Variants in MICU3 observed in about 807,000 individuals in gnomAD.
MICU3 encodes mitochondrial calcium uptake 3, also known as calcium uptake protein 3, mitochondrial.
In MICU3, 62 loss-of-function variants were observed where a neutral mutation model predicts 66.5. The observed-to-expected ratio is 0.93, with a 90% CI of 0.76 to 1.15. The LOEUF is 1.15. Ranked by LOEUF, MICU3 falls within the 50% of genes most tolerant of loss-of-function variation. The pLI, the probability that MICU3 is intolerant of heterozygous loss-of-function variation, is 0.00. For synonymous variants in MICU3, 308 were observed against 240.7 expected, an observed-to-expected ratio of 1.28 and a Z score of -2.59; for missense variants, 779 against 664.4, an observed-to-expected ratio of 1.17 and a Z score of -1.90.
chr8:17,123,422 A>T (rs1313294070), downstream of MICU3, among the ~76,000 whole-genome samples: 1 of 152,130 alleles, frequency 6.6e-6, no homozygotes, highest in African/African-American at 2.4e-5. Context: ...GAGGGATCTG[A>T]ATGAGGATAG....
intron 1 of MICU3, among the ~76,000 whole-genome samples, chr8:17,063,776 C>G (rs1242214686): frequency 6.6e-6 from 1 of 152,064 alleles, no homozygotes; most frequent in Non-Finnish European, 1.5e-5. Context: ...ACCACTGGCT[C>G]CATAATTTAA....
intron 3 of MICU3, among the ~76,000 whole-genome samples, chr8:17,071,432 G>A (rs1379106067): frequency 2.6e-5 from 4 of 152,032 alleles, no homozygotes; most frequent in East Asian, 1.9e-4. Flanking sequence ...TTATAAGGAC[G>A]TCAGTCATAT....
chr8:17,052,326 C>G (rs891460814), intron 1 of MICU3, among the ~76,000 whole-genome samples: 4 of 152,124 alleles, frequency 2.6e-5, no homozygotes, highest in Non-Finnish European at 5.9e-5. Flanking sequence ...TATCCATCCC[C>G]TTGAACATTT....
chr8:17,039,825 A>T (rs1166275402), intron 1 of MICU3, among the ~76,000 whole-genome samples: 2 of 150,038 alleles, frequency 1.3e-5, no homozygotes, highest in South Asian at 4.2e-4. Flanking sequence ...GCTCAGTGTA[A>T]TATTTTGATA....
intron 1 of MICU3, among the ~76,000 whole-genome samples, chr8:17,040,099 G>A (rs1813803915): frequency 6.6e-6 from 1 of 151,554 alleles, no homozygotes; most frequent in African/African-American, 2.4e-5. Context: ...GTAGAGACGG[G>A]GTTTCTCCAT....
At chr8:17,060,273 G>C (rs1193458404) in intron 1 of MICU3, among the ~76,000 whole-genome samples, 3 of 150,358 alleles carry the variant, frequency 2.0e-5, no homozygotes, top group Non-Finnish European at 2.9e-5. Flanking sequence ...CAATTTACTG[G>C]GTTATCATGG....
the MICU3 span, among the ~76,000 whole-genome samples, chr8:17,130,976 G>T: frequency 6.6e-6 from 1 of 152,164 alleles, no homozygotes; most frequent in Non-Finnish European, 1.5e-5. Flanking sequence ...CATGTAAAAT[G>T]ATAGAGAAAA....
intron 3 of MICU3, among the ~76,000 whole-genome samples, chr8:17,070,269 T>C (rs1819353222): frequency 6.6e-6 from 1 of 152,122 alleles, no homozygotes; most frequent in South Asian, 2.1e-4. Context: ...TAAATGTTGA[T>C]ATATTCATAT....
At chr8:17,040,118 G>A (rs1377210910) in intron 1 of MICU3, among the ~76,000 whole-genome samples, 1 of 151,924 alleles carries the variant, frequency 6.6e-6, no homozygotes, top group African/African-American at 2.4e-5. Context: ...ATGTTGGTCA[G>A]GCTGGTCTCG....
chr8:17,112,621 C>G (rs1461128795), intron 11 of MICU3, among the ~76,000 whole-genome samples: 5 of 152,138 alleles, frequency 3.3e-5, no homozygotes, highest in Non-Finnish European at 7.4e-5. Context: ...AAATGAGAAC[C>G]ATGTGTTGAA....
At chr8:17,037,495 G>C (rs931810924) in intron 1 of MICU3, among the ~76,000 whole-genome samples, 1 of 152,170 alleles carries the variant, frequency 6.6e-6, no homozygotes, top group Non-Finnish European at 1.5e-5. Context: ...CTAAGCCTTG[G>C]AGGTTTCCAT....
At chr8:17,035,274 T>G (rs1303165832) in intron 1 of MICU3, among the ~76,000 whole-genome samples, 1 of 152,110 alleles carries the variant, frequency 6.6e-6, no homozygotes, top group Admixed American at 6.5e-5. Context: ...ACAGAGTAAA[T>G]GGATACTGGT....
intron 1 of MICU3, among the ~76,000 whole-genome samples, chr8:17,055,648 T>A (rs1366137130): frequency 2.0e-5 from 3 of 152,218 alleles, no homozygotes; most frequent in Non-Finnish European, 4.4e-5. Context: ...TCCCATACTT[T>A]ATTTCCCTCT....
At chr8:17,075,266 A>G (rs1820208466) in intron 3 of MICU3, among the ~76,000 whole-genome samples, 1 of 152,100 alleles carries the variant, frequency 6.6e-6, no homozygotes, top group Non-Finnish European at 1.5e-5. Context: ...TAGAATTTTT[A>G]TTAGGGTTTC....
chr8:17,041,919 G>A (rs1814181890), intron 1 of MICU3, among the ~76,000 whole-genome samples: 1 of 152,176 alleles, frequency 6.6e-6, no homozygotes, highest in Non-Finnish European at 1.5e-5. Context: ...GAAATATGCG[G>A]AGTAACTATG....
intron 4 of MICU3, among the ~76,000 whole-genome samples, chr8:17,080,559 T>C (rs1821033658): frequency 6.6e-6 from 1 of 152,126 alleles, no homozygotes; most frequent in African/African-American, 2.4e-5. Context: ...CTTCTTTCAT[T>C]TTTTGAGGGA....
chr8:17,123,658 T>A (rs185955047), downstream of MICU3, among the ~76,000 whole-genome samples: 2 of 152,130 alleles, frequency 1.3e-5, no homozygotes, highest in African/African-American at 4.8e-5. Flanking sequence ...ACAGTTTTAC[T>A]TGTGGGACTA....
chr8:17,086,512 T>C (rs1799490608), intron 6 of MICU3, among the ~76,000 whole-genome samples: 1 of 152,088 alleles, frequency 6.6e-6, no homozygotes, highest in African/African-American at 2.4e-5. Context: ...ACAATAGATA[T>C]AGATGTGTTT....
intron 9 of MICU3, among the ~76,000 whole-genome samples, chr8:17,103,419 A>G (rs1801451293): frequency 6.6e-6 from 1 of 151,916 alleles, no homozygotes; most frequent in Admixed American, 6.6e-5. Context: ...AAAGCTAAAA[A>G]CGATGTGCCT....
Sources: allele counts gnomAD v4.1 joint callset (sites outside exome capture counted in the v4.1 genomes callset), GRCh38; gene constraint gnomAD v4.1.1; transcripts MANE v1.5; gene names NCBI Gene and HGNC (gene_info 2026-07-23, HGNC 2026-07-21).